The following RTKN2 variants were observed in gnomAD, a reference collection of about 807,000 sequenced individuals.
The protein encoded by RTKN2 is rhotekin 2.
Under a neutral mutation model 71.5 loss-of-function variants are expected in RTKN2, and 69 were observed. The observed-to-expected ratio is 0.96, with a 90% confidence interval of 0.79 to 1.18. RTKN2 has a LOEUF of 1.18. RTKN2 is among the 50% of genes most tolerant of loss of function. The probability of loss-of-function intolerance (pLI) is 0.00; values close to 1 mark genes in which losing one functional copy is unlikely to be tolerated. For synonymous variants in RTKN2, 236 were observed against 236.5 expected, an observed-to-expected ratio of 1.00 and a Z score of 0.02; for missense variants, 724 against 719.7, an observed-to-expected ratio of 1.01 and a Z score of -0.07.
rs149342109 is a variant in RTKN2 at position 62,222,599 on chromosome 10, A to G, written c.781+639T>C. Among the ~76,000 whole-genome samples the G allele has an allele frequency of 3.3e-5, 5 of 152,308 alleles. No homozygotes were observed. The East Asian group carries it at 9.6e-4, about 29-fold the overall frequency. On this transcript the variant is annotated intron_variant, in intron 7 of 11. Transcript: ENST00000373789. ...ATATTTTTATTTATTTTGCTTGGAG[A>G]AAATGAACAAAAGTAAATAACCCAA...
intron 10 of RTKN2, among the ~76,000 whole-genome samples, chr10:62,202,133 A>G (rs1326285730): frequency 3.3e-5 from 5 of 152,084 alleles, no homozygotes; most frequent in Admixed American, 2.6e-4. Context: ...ACTCCTATTG[A>G]CCATCCAGAA....
intron 10 of RTKN2, among the ~76,000 whole-genome samples, chr10:62,202,596 G>A (rs1841466034): frequency 6.6e-6 from 1 of 152,120 alleles, no homozygotes; most frequent in Non-Finnish European, 1.5e-5. Flanking sequence ...AAATTACATA[G>A]GTTGGCAGTT....
downstream of RTKN2, among the ~76,000 whole-genome samples, chr10:62,189,126 G>T (rs1236428905): frequency 6.7e-6 from 1 of 149,806 alleles, no homozygotes; most frequent in East Asian, 1.9e-4. Context: ...CCAAGCCAGG[G>T]TTTGTCAACT....
chr10:62,199,721 T>C, intron 11 of RTKN2, 33 bp downstream of exon 11: 1 of 1,311,010 alleles, frequency 7.6e-7, no homozygotes, highest in Non-Finnish European at 1.1e-6. Flanking sequence ...GTTTTTGTTA[T>C]CCTGCAGCTT....
chr10:62,226,904 T>C (rs1442520617), intron 6 of RTKN2, among the ~76,000 whole-genome samples: 4 of 152,178 alleles, frequency 2.6e-5, no homozygotes, highest in African/African-American at 9.7e-5. Context: ...GAGGCTGCAG[T>C]GAGCCAAGAT....
At position 62,262,731 on chromosome 10, in the gene RTKN2, C is replaced by T. The variant is rs762399119; in HGVS notation, c.151G>A (p.Val51Ile). 5 of 1,613,378 alleles carry T rather than the reference C, an allele frequency of 3.1e-6. No homozygotes were observed. The highest frequency in any genetic ancestry group is 3.3e-5 in the Admixed American group (2 of 60,014). ...LLSLSTQKDQ[V>I]LHAVKNLMVC... ...ATGAGATTCTTAACTGCATGTAAAA[C>T]TTGATCTTTCTGAGTGCTCAGAGAA... The change falls in exon 2 of 12, where the codon GTT (valine) becomes ATT (isoleucine). Residue 51 changes from valine to isoleucine, a missense_variant. Transcript: ENST00000373789.
rs11355398 is a variant in RTKN2, at chr10:62,218,318, GAA to G, written c.782-19_782-18del. ...AAGACTCCTCTATTTAAAGGAGAAAGAAAAAAAAAAATCAAGTTATAAATATA... is the reference window on the plus strand; with the variant it reads ...AAGACTCCTCTATTTAAAGGAGAAAGAAAAAAAAATCAAGTTATAAATATA... On this transcript the variant is annotated intron_variant, in intron 7 of 11. Coordinates refer to ENST00000373789, the MANE Select transcript of RTKN2 (RefSeq NM_145307.4). 2,116 of 1,172,262 alleles carry G rather than the reference GAA, an allele frequency of 1.8e-3. 14 individuals carry two copies. The highest frequency in any genetic ancestry group is 0.013 in the African/African-American group (846 of 64,434). The allele number at this position is 1,172,262 out of a possible 1,614,324, so 72.6% of individuals were successfully genotyped here.
At chr10:62,210,407 T>C (rs987238902) in intron 9 of RTKN2, among the ~76,000 whole-genome samples, 1 of 152,138 alleles carries the variant, frequency 6.6e-6, no homozygotes, top group African/African-American at 2.4e-5. Flanking sequence ...TACTATTCTA[T>C]GTATAAATTA....
chr10:62,205,938 T>C (rs1296039949), intron 9 of RTKN2, among the ~76,000 whole-genome samples: 2 of 152,152 alleles, frequency 1.3e-5, no homozygotes, highest in African/African-American at 4.8e-5. Context: ...ACTTACACTA[T>C]TCTAGGGCAA....
intron 6 of RTKN2, among the ~76,000 whole-genome samples, chr10:62,231,082 A>G (rs1212522050): frequency 6.6e-6 from 1 of 152,184 alleles, no homozygotes; most frequent in Non-Finnish European, 1.5e-5. Flanking sequence ...TGTATTCTGA[A>G]CAAGTGTTTG....
chr10:62,241,465 A>T lies in RTKN2; in HGVS notation c.317-270T>A, dbSNP rs562268446. Among the ~76,000 whole-genome samples, 3 of 152,328 alleles carry T rather than the reference A, an allele frequency of 2.0e-5. No homozygotes were observed. In the East Asian group the frequency reaches 5.8e-4, roughly 29 times the overall value. On this transcript the variant is annotated intron_variant, in intron 3 of 11. Coordinates refer to ENST00000373789, the MANE Select transcript of RTKN2 (RefSeq NM_145307.4). ...TCTGTTTCTTCCTTACTGATTAATT[A>T]TGACATCTTTATCATATATGCCATT...
chr10:62,222,670 A>T lies in RTKN2; in HGVS notation c.781+568T>A, dbSNP rs143643087. On this transcript the variant is annotated intron_variant, in intron 7 of 11. Coordinates refer to ENST00000373789, the MANE Select transcript of RTKN2 (RefSeq NM_145307.4). ...TACCAGCACTGCTCCATATTTTTTC[A>T]TCACAAGTAAAATAACCTGGGAGAG... 3.9e-3 allele frequency among the ~76,000 whole-genome samples: 599 copies of T among 152,298 alleles called. 4 individuals carry two copies. The highest frequency in any genetic ancestry group is 0.012 in the African/African-American group (514 of 41,562).
At position 62,193,103 on chromosome 10, in the gene RTKN2, T is replaced by C; in HGVS notation, c.*4805A>G. On this transcript the variant is annotated 3_prime_UTR_variant, in exon 12 of 12. Coordinates refer to ENST00000373789, the MANE Select transcript of RTKN2 (RefSeq NM_145307.4). ...ACAACTAATTCAGTTAAATGTTTATTAAGATTAAGTTCTACAAAAATGCAT... is the reference window on the plus strand; with the variant it reads ...ACAACTAATTCAGTTAAATGTTTATCAAGATTAAGTTCTACAAAAATGCAT... 2.1e-6 allele frequency: 1 copy of C among 466,972 alleles called. No homozygotes were observed. Among genetic ancestry groups the C allele is most frequent in the Non-Finnish European group, 2.8e-6 (1 of 356,396 alleles). The allele number at this position is 466,972 out of a possible 1,614,324, so 28.9% of individuals were successfully genotyped here.
chr10:62,234,844 G>A (rs1486461157), intron 6 of RTKN2, among the ~76,000 whole-genome samples: 1 of 152,104 alleles, frequency 6.6e-6, no homozygotes, highest in African/African-American at 2.4e-5. Flanking sequence ...TATTGGATGG[G>A]TTAGGCTGGC....
downstream of RTKN2, among the ~76,000 whole-genome samples, chr10:62,189,209 T>C (rs985839243): frequency 1.3e-5 from 2 of 152,134 alleles, no homozygotes; most frequent in African/African-American, 4.8e-5. Context: ...ACAGGATGTT[T>C]AGCAGCATCC....
chr10:62,232,203 T>C (rs1842163023), intron 6 of RTKN2, among the ~76,000 whole-genome samples: 1 of 152,084 alleles, frequency 6.6e-6, no homozygotes, highest in East Asian at 1.9e-4. Flanking sequence ...AAACAGACAC[T>C]CCAAGATCTA....
rs774881477 is a variant in RTKN2, at chr10:62,197,654, C to A, written c.*254G>T. On this transcript the variant is annotated 3_prime_UTR_variant, in exon 12 of 12. Coordinates refer to ENST00000373789, the MANE Select transcript of RTKN2 (RefSeq NM_145307.4). ...TGGTACTAATTCAGGAATAAATTAACCCTTCCAACAATTAGGATATTGTCT... is the reference window on the plus strand; with the variant it reads ...TGGTACTAATTCAGGAATAAATTAAACCTTCCAACAATTAGGATATTGTCT... 4.2e-5 allele frequency: 53 copies of A among 1,268,694 alleles called. No homozygotes were observed. The highest frequency in any genetic ancestry group is 4.9e-5 in the Non-Finnish European group (49 of 1,007,306). 78.6% of individuals were successfully genotyped at this position (1,268,694 alleles called of 1,614,324 possible).
At chr10:62,213,719 T>A (rs956598612) in intron 9 of RTKN2, among the ~76,000 whole-genome samples, 2 of 152,094 alleles carry the variant, frequency 1.3e-5, no homozygotes, top group Non-Finnish European at 2.9e-5. Context: ...CATCAAAAAA[T>A]ATAGATTTAA....
At chr10:62,215,924 T>G (rs903934081) in intron 9 of RTKN2, among the ~76,000 whole-genome samples, 8 of 151,988 alleles carry the variant, frequency 5.3e-5, no homozygotes, top group Non-Finnish European at 8.8e-5. Flanking sequence ...AACTTAATTT[T>G]CTAAGCCAAA....
Sources: gnomAD v4.1 joint callset for allele counts (sites outside exome capture counted in the v4.1 genomes callset) on GRCh38, gnomAD v4.1.1 for gene constraint, MANE v1.5 for transcripts, NCBI Gene and HGNC (gene_info 2026-07-23, HGNC 2026-07-21) for gene names.